The following PTPRN2 variants were observed in gnomAD, a reference collection of about 807,000 sequenced individuals.
PTPRN2 encodes the protein receptor-type tyrosine-protein phosphatase N2.
Under a neutral mutation model 118.8 loss-of-function variants are expected in PTPRN2, and 74 were observed. The observed-to-expected ratio is 0.62, with a 90% CI of 0.52 to 0.76. PTPRN2 has a LOEUF of 0.76. PTPRN2 is among the 30% of genes least tolerant of loss of function. PTPRN2 has a pLI of 0.00. For missense variants in PTPRN2, 1,481 were observed against 1,394.4 expected (o/e 1.06, Z -0.99); for synonymous variants, 641 against 608.0 (o/e 1.05, Z -0.80).
intron 2 of PTPRN2, among the ~76,000 whole-genome samples, chr7:158,368,211 C>A (rs1026366982): frequency 4.0e-4 from 61 of 152,158 alleles, no homozygotes; most frequent in African/African-American, 1.4e-3. Context: ...CCTGCACCGG[C>A]CTCCCAGGAT....
At chr7:158,171,193 CATAT>C (rs1185342868) in intron 5 of PTPRN2, among the ~76,000 whole-genome samples, 54 of 112,720 alleles carry the variant, frequency 4.8e-4, no homozygotes, top group African/African-American at 1.3e-3. Context: ...TACACACATA[CATAT>C]ATATACACTA....
intron 15 of PTPRN2, chr7:157,616,497 A>G (rs762412819): frequency 7.2e-5 from 11 of 152,206 alleles, no homozygotes; most frequent in Non-Finnish European, 5.9e-5. Context: ...TCTGCCTGTG[A>G]GGTAGCAAAG....
intron 11 of PTPRN2, among the ~76,000 whole-genome samples, chr7:158,035,623 C>A (rs1189875972): frequency 6.6e-6 from 1 of 152,226 alleles, no homozygotes; most frequent in Non-Finnish European, 1.5e-5. Flanking sequence ...GGCAGGCGGG[C>A]AGAAGAGCCT....
chr7:158,496,025 G>C (rs1201979033), intron 1 of PTPRN2, among the ~76,000 whole-genome samples: 1 of 151,928 alleles, frequency 6.6e-6, no homozygotes, highest in Non-Finnish European at 1.5e-5. Context: ...TGCGGACAGG[G>C]CTTGGGGGGC....
intron 11 of PTPRN2, among the ~76,000 whole-genome samples, chr7:157,982,140 C>T: frequency 7.5e-6 from 1 of 133,520 alleles, no homozygotes; most frequent in Non-Finnish European, 1.7e-5. Context: ...GTGCAGCGTC[C>T]CCCATAAACC....
At chr7:157,683,598 T>C (rs1797017218) in intron 12 of PTPRN2, among the ~76,000 whole-genome samples, 1 of 152,026 alleles carries the variant, frequency 6.6e-6, no homozygotes, top group South Asian at 2.1e-4. Context: ...TATTTTTCCT[T>C]GAAAGGAGCT....
chr7:158,183,711 G>A (rs774284372), intron 5 of PTPRN2, among the ~76,000 whole-genome samples: 1 of 152,236 alleles, frequency 6.6e-6, no homozygotes, highest in African/African-American at 2.4e-5. Flanking sequence ...ATTCTCCAGT[G>A]GGGGTGCATA....
intron 3 of PTPRN2, among the ~76,000 whole-genome samples, chr7:158,225,550 G>T (rs192176298): frequency 6.6e-6 from 1 of 152,306 alleles, no homozygotes; most frequent in Non-Finnish European, 1.5e-5. Context: ...TACGGTTTGA[G>T]GGCAGCCACA....
At chr7:157,978,795 T>C (rs1404902364) in intron 11 of PTPRN2, among the ~76,000 whole-genome samples, 1 of 151,948 alleles carries the variant, frequency 6.6e-6, no homozygotes, top group Non-Finnish European at 1.5e-5. Context: ...TGAGGTTGCA[T>C]TCGTGGTGAA....
At chr7:158,553,784 C>G (rs1379479145) in intron 1 of PTPRN2, among the ~76,000 whole-genome samples, 1 of 150,154 alleles carries the variant, frequency 6.7e-6, no homozygotes, top group Admixed American at 6.6e-5. Context: ...CTACACCACC[C>G]TTCCTGCATT....
At chr7:157,824,107 A>G (rs575338671) in intron 12 of PTPRN2, among the ~76,000 whole-genome samples, 1 of 152,268 alleles carries the variant, frequency 6.6e-6, no homozygotes, top group East Asian at 1.9e-4. Context: ...ACCCAGCGAG[A>G]GCACACGGCC....
At position 158,507,978 on chromosome 7, in the gene PTPRN2, A is replaced by G. The variant is rs72505572; in HGVS notation, c.113-18193T>C. On this transcript the variant is annotated intron_variant, in intron 1 of 22. Coordinates refer to ENST00000389418, the MANE Select transcript of PTPRN2 (RefSeq NM_002847.5). ...GGAGGTCAGTGAGGACCATCCGGGGAACAGCCCCGTGCTAGGCAGGAAATT... is the reference window on the plus strand; with the variant it reads ...GGAGGTCAGTGAGGACCATCCGGGGGACAGCCCCGTGCTAGGCAGGAAATT... Among the ~76,000 whole-genome samples the G allele has an allele frequency of 3.0e-3, 369 of 122,064 alleles. 9 individuals are homozygous for G. The East Asian group carries it at 0.046, about 15-fold the overall frequency. The allele number at this position is 122,064 out of a possible 152,430, so 80.1% of individuals were successfully genotyped here. A position where few individuals can be genotyped will look rare whatever the true frequency, so the allele number is the denominator to read the frequency against.
chr7:157,934,142 C>T (rs1799564311), intron 11 of PTPRN2, among the ~76,000 whole-genome samples: 1 of 152,196 alleles, frequency 6.6e-6, no homozygotes, highest in African/African-American at 2.4e-5. Context: ...CATCTTGCCG[C>T]TGGTGACGTT....
intron 11 of PTPRN2, among the ~76,000 whole-genome samples, chr7:157,995,179 C>T (rs188394393): frequency 1.9e-3 from 294 of 151,260 alleles, no homozygotes; most frequent in Admixed American, 4.2e-3. Flanking sequence ...ACGTCCCCAG[C>T]TTACAACTCC....
intron 11 of PTPRN2, among the ~76,000 whole-genome samples, chr7:157,905,569 A>G (rs2128756281): frequency 6.6e-6 from 1 of 152,388 alleles, no homozygotes; most frequent in Non-Finnish European, 1.5e-5. Flanking sequence ...AAATTCTGCA[A>G]TAGCCTATTT....
In PTPRN2 at chr7:157,780,490, C is replaced by T. The variant is rs994422563; in HGVS notation, c.1789-97553G>A. The stretch of plus-strand genomic sequence containing the variant: ...AACACGGCCCAGAGCAACTGAAGTT[C>T]GCTTGTCCCCACAGGCAGCTCGACA... On this transcript the variant is annotated intron_variant, in intron 12 of 22. Coordinates refer to ENST00000389418, the MANE Select transcript of PTPRN2 (RefSeq NM_002847.5). The surrounding 1 kb of genome is among the most constrained non-coding windows in gnomAD (Gnocchi z 4.5). 1.3e-5 allele frequency among the ~76,000 whole-genome samples: 2 copies of T among 152,216 alleles called. No homozygotes were observed. Among genetic ancestry groups the T allele is most frequent in the African/African-American group, 2.4e-5 (1 of 41,458 alleles).
intron 12 of PTPRN2, among the ~76,000 whole-genome samples, chr7:157,771,560 C>G (rs1248920266): frequency 6.6e-6 from 1 of 152,202 alleles, no homozygotes; most frequent in Non-Finnish European, 1.5e-5. Flanking sequence ...ACAGCCCCTG[C>G]CCTCAGGGAG....
At chr7:157,885,149 T>C (rs889032305) in intron 12 of PTPRN2, among the ~76,000 whole-genome samples, 4 of 152,054 alleles carry the variant, frequency 2.6e-5, no homozygotes, top group Non-Finnish European at 5.9e-5. Context: ...GCAAAAGGGG[T>C]ACCTGAGTTG....
intron 2 of PTPRN2, among the ~76,000 whole-genome samples, chr7:158,402,079 T>C (rs1014152040): frequency 1.4e-5 from 2 of 147,938 alleles, no homozygotes; most frequent in Non-Finnish European, 3.0e-5. Context: ...GGACACGGGG[T>C]GTGAAAGAGA....
Sources: allele counts gnomAD v4.1 joint callset (sites outside exome capture counted in the v4.1 genomes callset), GRCh38; gene constraint gnomAD v4.1.1; non-coding constraint Gnocchi (gnomAD v3.1); transcripts MANE v1.5; gene names NCBI Gene and HGNC (gene_info 2026-07-23, HGNC 2026-07-21).